DLC1: variants seen among roughly 807,000 people sequenced by gnomAD.
DLC1 encodes the protein DLC1 Rho GTPase activating protein.
In DLC1, 54 loss-of-function variants were observed where a neutral mutation model predicts 140.3. The observed-to-expected ratio is 0.38, with a 90% CI of 0.31 to 0.48. The LOEUF (loss-of-function observed/expected upper bound fraction) is 0.48, where lower values mean the gene tolerates loss of function less well. Among genes scored for constraint, DLC1 ranks in the 20% least tolerant of loss-of-function variants. The probability of loss-of-function intolerance (pLI) is 0.96; values close to 1 mark genes in which losing one functional copy is unlikely to be tolerated. For synonymous variants in DLC1, 986 were observed against 728.1 expected, an observed-to-expected ratio of 1.35 and a Z score of -5.70; for missense variants, 2,536 against 1,907.0, an observed-to-expected ratio of 1.33 and a Z score of -6.14.
intron 5 of DLC1, among the ~76,000 whole-genome samples, chr8:13,181,801 G>A (rs974485243): frequency 6.6e-6 from 1 of 152,102 alleles, no homozygotes; most frequent in East Asian, 1.9e-4. Flanking sequence ...AAACATACAT[G>A]TACATGTGTC....
intron 5 of DLC1, among the ~76,000 whole-genome samples, chr8:13,201,803 T>C (rs1827394314): frequency 6.6e-6 from 1 of 152,088 alleles, no homozygotes; most frequent in Admixed American, 6.6e-5. Context: ...TTCAAACATT[T>C]ATTTATTTTA....
intron 1 of DLC1, among the ~76,000 whole-genome samples, chr8:13,556,992 T>C: frequency 6.6e-6 from 1 of 152,200 alleles, no homozygotes; most frequent in East Asian, 1.9e-4. Flanking sequence ...TATACAACTG[T>C]GAATTTATTT....
rs202194701 is a variant in DLC1, at chr8:13,448,371, T to TCTTC, written c.1024-46753_1024-46752insGAAG. ...TTCTTCTTCTTCTTCTTCTTCTTCT[T>TCTTC]TTTTTTTTTTGAGACAGGGTCTCGC... On this transcript the variant is annotated intron_variant, in intron 2 of 17. Coordinates refer to ENST00000276297, the MANE Select transcript of DLC1 (RefSeq NM_182643.3). Among the ~76,000 whole-genome samples the TCTTC allele has an allele frequency of 7.6e-5, 11 of 145,072 alleles. No homozygotes were observed. In the East Asian group the frequency reaches 1.0e-3, roughly 13 times the overall value.
chr8:13,319,124 T>G (rs991587948), intron 4 of DLC1, among the ~76,000 whole-genome samples: 9 of 152,212 alleles, frequency 5.9e-5, no homozygotes, highest in African/African-American at 1.7e-4. Context: ...TTCATCAGAC[T>G]CAAACGTAAT....
chr8:13,158,123 T>C (rs1012978345), intron 5 of DLC1, among the ~76,000 whole-genome samples: 7 of 152,200 alleles, frequency 4.6e-5, no homozygotes, highest in Admixed American at 3.9e-4. Flanking sequence ...AGGTCACATT[T>C]TTATTGGTTC....
At chr8:13,145,104 G>C (rs759318938) in intron 5 of DLC1, among the ~76,000 whole-genome samples, 1 of 152,050 alleles carries the variant, frequency 6.6e-6, no homozygotes, top group Non-Finnish European at 1.5e-5. Context: ...GAACTGAGGA[G>C]AAATCATACT....
At chr8:13,423,233 A>G (rs1382416104) in intron 2 of DLC1, among the ~76,000 whole-genome samples, 1 of 152,174 alleles carries the variant, frequency 6.6e-6, no homozygotes, top group Admixed American at 6.6e-5. Context: ...TATTTTTAGA[A>G]GGAAATAAAT....
intron 5 of DLC1, among the ~76,000 whole-genome samples, chr8:13,150,894 A>C (rs535040063): frequency 1.3e-5 from 2 of 152,374 alleles, no homozygotes; most frequent in East Asian, 3.9e-4. Context: ...ATGAGCCTTC[A>C]TAAGTAATAG....
intron 5 of DLC1, among the ~76,000 whole-genome samples, chr8:13,241,269 A>T (rs570607978): frequency 5.1e-4 from 77 of 152,338 alleles, no homozygotes; most frequent in African/African-American, 1.7e-3. Flanking sequence ...AACTGCTTTC[A>T]ATTAAGCATT....
intron 1 of DLC1, among the ~76,000 whole-genome samples, chr8:13,552,139 ATATC>A (rs1554542397): frequency 7.5e-6 from 1 of 132,640 alleles, no homozygotes; most frequent in Non-Finnish European, 1.6e-5. Context: ...ATATATATAT[ATATC>A]TGTCTAGAGG....
intron 5 of DLC1, among the ~76,000 whole-genome samples, chr8:13,261,369 G>A: frequency 6.8e-6 from 1 of 147,374 alleles, no homozygotes; most frequent in Non-Finnish European, 1.5e-5. Flanking sequence ...AAGGATAGAA[G>A]AAGGTGAAGT....
At chr8:13,412,430 C>A (rs1481904005) in intron 2 of DLC1, among the ~76,000 whole-genome samples, 1 of 152,004 alleles carries the variant, frequency 6.6e-6, no homozygotes, top group Non-Finnish European at 1.5e-5. Flanking sequence ...TGCACGCATG[C>A]AAAGACAGTA....
At chr8:13,136,394 C>G (rs1051266849) in intron 5 of DLC1, among the ~76,000 whole-genome samples, 19 of 152,120 alleles carry the variant, frequency 1.2e-4, no homozygotes, top group African/African-American at 4.6e-4. Flanking sequence ...TCCATGAGTA[C>G]TCAGTGTTTA....
chr8:13,222,773 T>C (rs904320287), intron 5 of DLC1, among the ~76,000 whole-genome samples: 15 of 152,174 alleles, frequency 9.9e-5, no homozygotes, highest in Admixed American at 6.5e-4. Context: ...GGACAGGGTC[T>C]TGCTCTGTCA....
In DLC1 at chr8:13,401,564, A is replaced by T. The variant is rs748353663; in HGVS notation, c.1079T>A (p.Met360Lys). 6.2e-7 allele frequency: 1 copy of T among 1,613,822 alleles called. No individual in the cohort carries two copies. Among genetic ancestry groups the T allele is most frequent in the Non-Finnish European group, 8.5e-7 (1 of 1,180,010 alleles). Residue 360 changes from methionine to lysine, a missense_variant, in exon 3 of 18, where the codon ATG (methionine) becomes AAG (lysine). Transcript: ENST00000276297. ...ARLDSMVLLI[M>K]KLDQLDQDIE... The stretch of plus-strand genomic sequence containing the variant: ...GTCCTGATCAAGCTGGTCCAGTTTC[A>T]TAATCAGCAGCACCATGGAGTCCAG...
chr8:13,316,921 C>G (rs917918221), intron 4 of DLC1, among the ~76,000 whole-genome samples: 45 of 151,784 alleles, frequency 3.0e-4, no homozygotes, highest in African/African-American at 1.1e-3. Context: ...CTATTGGATT[C>G]TTAATTGAAT....
At chr8:13,468,488 C>T (rs1291237080) in intron 2 of DLC1, among the ~76,000 whole-genome samples, 1 of 151,352 alleles carries the variant, frequency 6.6e-6, no homozygotes, top group Non-Finnish European at 1.5e-5. Flanking sequence ...TCTAACAATC[C>T]ACCACCTCCC....
rs984520358 is a variant in DLC1 at position 13,416,429 on chromosome 8, C to T, written c.1024-14810G>A. Reference sequence around the variant, plus strand: ...AACATGCATATAAAAGATATATATACAAAACATATAAAAGATATATATTTT... The same window carrying T: ...AACATGCATATAAAAGATATATATATAAAACATATAAAAGATATATATTTT... On this transcript the variant is annotated intron_variant, in intron 2 of 17. Coordinates refer to ENST00000276297, the MANE Select transcript of DLC1 (RefSeq NM_182643.3). Among the ~76,000 whole-genome samples, 3 of 151,856 alleles carry T rather than the reference C, an allele frequency of 2.0e-5. No individual in the cohort carries two copies. In the South Asian group the frequency reaches 6.2e-4, roughly 32 times the overall value.
At chr8:13,271,186 C>T (rs1830917222) in intron 5 of DLC1, among the ~76,000 whole-genome samples, 1 of 152,204 alleles carries the variant, frequency 6.6e-6, no homozygotes, top group Non-Finnish European at 1.5e-5. Context: ...TAACGGTTGT[C>T]TGTCTTTAAA....
Sources: allele counts gnomAD v4.1 joint callset (sites outside exome capture counted in the v4.1 genomes callset), GRCh38; gene constraint gnomAD v4.1.1; transcripts MANE v1.5; gene names NCBI Gene and HGNC (gene_info 2026-07-23, HGNC 2026-07-21).